Variants in CSMD1 observed in about 807,000 individuals in gnomAD.
CSMD1 encodes the protein CUB and Sushi multiple domains 1.
In CSMD1, 213 loss-of-function variants were observed where a neutral mutation model predicts 417.5. The observed-to-expected ratio is 0.51, with a 90% confidence interval of 0.46 to 0.57. The LOEUF is 0.57. Ranked by LOEUF, CSMD1 falls within the 20% of genes least tolerant of loss-of-function variation. The pLI, the probability that CSMD1 is intolerant of heterozygous loss-of-function variation, is 0.00. For synonymous variants in CSMD1, 2,862 were observed against 1,736.8 expected (o/e 1.65, Z -16.11); for missense variants, 6,923 against 4,529.7 (o/e 1.53, Z -15.17).
At chr8:4,764,051 T>C (rs1211481465) in intron 1 of CSMD1, among the ~76,000 whole-genome samples, 1 of 152,204 alleles carries the variant, frequency 6.6e-6, no homozygotes, top group African/African-American at 2.4e-5. Flanking sequence ...TGAATTACGC[T>C]GGCAACAGAC....
At chr8:3,664,499 T>G (rs1294310924) in intron 7 of CSMD1, among the ~76,000 whole-genome samples, 1 of 152,222 alleles carries the variant, frequency 6.6e-6, no homozygotes, top group Non-Finnish European at 1.5e-5. Flanking sequence ...ATAGAATATG[T>G]AAAATATCCT....
At chr8:4,100,181 C>G (rs1274746029) in intron 3 of CSMD1, among the ~76,000 whole-genome samples, 1 of 152,176 alleles carries the variant, frequency 6.6e-6, no homozygotes, top group Non-Finnish European at 1.5e-5. Flanking sequence ...TATACTACCA[C>G]TACCTTGGGG....
intron 1 of CSMD1, among the ~76,000 whole-genome samples, chr8:4,921,680 C>T (rs1430076345): frequency 6.6e-6 from 1 of 152,074 alleles, no homozygotes; most frequent in Non-Finnish European, 1.5e-5. Context: ...GTGTGTGTGT[C>T]GGTCTCTGTG....
intron 2 of CSMD1, among the ~76,000 whole-genome samples, chr8:4,440,117 C>T (rs997764750): frequency 6.6e-6 from 1 of 152,144 alleles, no homozygotes; most frequent in Non-Finnish European, 1.5e-5. Flanking sequence ...AACTCATTCT[C>T]TTTAAAGTGC....
intron 27 of CSMD1, among the ~76,000 whole-genome samples, chr8:3,228,565 G>C (rs1042867546): frequency 6.6e-6 from 1 of 152,116 alleles, no homozygotes; most frequent in Non-Finnish European, 1.5e-5. Flanking sequence ...ACCTTTTGGT[G>C]CGTATTGGAC....
chr8:3,942,088 T>C (rs775534061), intron 5 of CSMD1, among the ~76,000 whole-genome samples: 6 of 151,898 alleles, frequency 4.0e-5, no homozygotes, highest in Non-Finnish European at 7.4e-5. Flanking sequence ...TTCGAGCTCC[T>C]TGTGAGAATC....
intron 3 of CSMD1, among the ~76,000 whole-genome samples, chr8:4,141,176 A>C: frequency 6.6e-6 from 1 of 151,240 alleles, no homozygotes; most frequent in Non-Finnish European, 1.5e-5. Context: ...CACAGTTTCA[A>C]AAAATTATTC....
chr8:3,317,859 G>A (rs1275044514), intron 23 of CSMD1, among the ~76,000 whole-genome samples: 1 of 152,200 alleles, frequency 6.6e-6, no homozygotes, highest in Non-Finnish European at 1.5e-5. Flanking sequence ...GACCCAGGCT[G>A]GAGTGCAGTG....
chr8:3,939,288 T>G (rs1390154752), intron 5 of CSMD1, among the ~76,000 whole-genome samples: 6 of 152,038 alleles, frequency 3.9e-5, no homozygotes, highest in African/African-American at 1.4e-4. Context: ...ATCAGAGAAA[T>G]GCAAATTAAA....
intron 1 of CSMD1, among the ~76,000 whole-genome samples, chr8:4,656,139 G>C (rs1397378622): frequency 6.6e-6 from 1 of 152,052 alleles, no homozygotes; most frequent in Non-Finnish European, 1.5e-5. Context: ...GAGAGGTGAT[G>C]TGAAGCAAGG....
At chr8:3,387,737 A>G in intron 17 of CSMD1, 55 bp from the exon 18 acceptor site, 5 of 1,410,146 alleles carry the variant, frequency 3.5e-6, no homozygotes, top group South Asian at 1.3e-5. Flanking sequence ...GATTGAAAAT[A>G]ATAGAGACCC....
intron 3 of CSMD1, among the ~76,000 whole-genome samples, chr8:4,107,496 G>T (rs772563837): frequency 3.3e-5 from 5 of 152,176 alleles, no homozygotes; most frequent in Non-Finnish European, 7.3e-5. Flanking sequence ...TTCAAACACC[G>T]AAGAATTCCA....
chr8:4,622,537 C>G (rs1801843316), intron 2 of CSMD1, among the ~76,000 whole-genome samples: 1 of 152,158 alleles, frequency 6.6e-6, no homozygotes, highest in Admixed American at 6.6e-5. Flanking sequence ...ATGCAGCACC[C>G]TCTACTGAGA....
chr8:4,830,289 G>A (rs1409327971), intron 1 of CSMD1, among the ~76,000 whole-genome samples: 1 of 152,092 alleles, frequency 6.6e-6, no homozygotes, highest in Non-Finnish European at 1.5e-5. Context: ...GAACCATGAG[G>A]TTTCTATTTC....
At chr8:3,517,755 A>C (rs1298423252) in intron 10 of CSMD1, among the ~76,000 whole-genome samples, 1 of 152,218 alleles carries the variant, frequency 6.6e-6, no homozygotes, top group African/African-American at 2.4e-5. Flanking sequence ...ATTAAAATGA[A>C]GAATTCAAGG....
chr8:3,894,311 C>T (rs1486670908), intron 5 of CSMD1, among the ~76,000 whole-genome samples: 6 of 152,172 alleles, frequency 3.9e-5, no homozygotes, highest in African/African-American at 9.7e-5. Context: ...GTCTCATCTT[C>T]ACCACTGAAA....
rs139853617 is a variant in CSMD1 at position 4,796,456 on chromosome 8, G to A, written c.86-158898C>T. ...TCTCCTCTGCCCCTTTGTAATGTAT[G>A]TAAATATCTTTGAGAGCTTCTTGAC... On this transcript the variant is annotated intron_variant, in intron 1 of 69. Coordinates refer to ENST00000635120, the MANE Select transcript of CSMD1 (RefSeq NM_033225.6). 5.3e-4 allele frequency among the ~76,000 whole-genome samples: 80 copies of A among 152,062 alleles called. 1 individual carries two copies. In the East Asian group the frequency reaches 0.014, roughly 27 times the overall value.
In CSMD1 at chr8:4,458,120, C is replaced by A. The variant is rs557808017; in HGVS notation, c.303-38055G>T. ...TTAATATTTCTTTACATGAAACTTT[C>A]TGTGTTTAAATTACTTTATGGTTTT... On this transcript the variant is annotated intron_variant, in intron 2 of 69. Transcript: ENST00000635120. Among the ~76,000 whole-genome samples, 11 of 144,614 alleles carry A rather than the reference C, an allele frequency of 7.6e-5. No homozygotes were observed. The South Asian group carries it at 2.1e-3, about 27-fold the overall frequency. 94.9% of individuals were successfully genotyped at this position (144,614 alleles called of 152,430 possible). A position where few individuals can be genotyped will look rare whatever the true frequency, so the allele number is the denominator to read the frequency against.
At chr8:4,440,990 C>G (rs1347529770) in intron 2 of CSMD1, among the ~76,000 whole-genome samples, 2 of 134,228 alleles carry the variant, frequency 1.5e-5, no homozygotes, top group Admixed American at 1.5e-4. Flanking sequence ...CAGTGAGACT[C>G]TATCTCAAAA....
Sources: allele counts gnomAD v4.1 joint callset (sites outside exome capture counted in the v4.1 genomes callset), GRCh38; gene constraint gnomAD v4.1.1; transcripts MANE v1.5; gene names NCBI Gene and HGNC (gene_info 2026-07-23, HGNC 2026-07-21).